CEP63: variants seen among roughly 807,000 people sequenced by gnomAD.
CEP63 encodes centrosomal protein of 63 kDa.
In CEP63, 84 loss-of-function variants were observed where a neutral mutation model predicts 89.1. The observed-to-expected ratio is 0.94, with a 90% CI of 0.79 to 1.13. The LOEUF is 1.13. Among genes scored for constraint, CEP63 ranks in the 50% most tolerant of loss-of-function variants. The pLI is 0.00. For synonymous variants in CEP63, 267 were observed against 272.5 expected (o/e 0.98, Z 0.20); for missense variants, 838 against 813.3 (o/e 1.03, Z -0.37).
intron 3 of CEP63, among the ~76,000 whole-genome samples, chr3:134,529,254 C>G (rs1295669413): frequency 1.3e-5 from 2 of 151,286 alleles, no homozygotes. Context: ...TACATTCATT[C>G]ATTATATTCA....
chr3:134,651,310 G>C, the CEP63 span: 1 of 1,179,142 alleles, frequency 8.5e-7, no homozygotes, highest in South Asian at 1.6e-5. Flanking sequence ...TGAAGCGCTG[G>C]TCCTGGGCTC....
intron 6 of CEP63, among the ~76,000 whole-genome samples, chr3:134,539,307 A>C (rs1229413593): frequency 6.6e-6 from 1 of 152,202 alleles, no homozygotes; most frequent in East Asian, 1.9e-4. Flanking sequence ...AATGTTAACT[A>C]TATGTACACT....
the CEP63 span, among the ~76,000 whole-genome samples, chr3:134,739,314 G>T: frequency 2.0e-5 from 3 of 152,162 alleles, no homozygotes; most frequent in Non-Finnish European, 4.4e-5. Context: ...TGGAGTCATT[G>T]GAACACTTAT....
chr3:134,492,070 CTTTTTTTTT>C (rs74269453), intron 1 of CEP63, among the ~76,000 whole-genome samples: 1 of 103,682 alleles, frequency 9.6e-6, no homozygotes, highest in Non-Finnish European at 1.8e-5. Context: ...TATTTGTATT[CTTTTTTTTT>C]TTTTTTTTTT....
chr3:134,546,758 T>C (rs1326358988), intron 8 of CEP63, among the ~76,000 whole-genome samples: 1 of 152,218 alleles, frequency 6.6e-6, no homozygotes, highest in Non-Finnish European at 1.5e-5. Context: ...TAAAGTGTTA[T>C]AAAATTTTGT....
the CEP63 span, among the ~76,000 whole-genome samples, chr3:134,680,746 G>A: frequency 2.0e-5 from 3 of 152,206 alleles, no homozygotes; most frequent in Non-Finnish European, 4.4e-5. Context: ...TCCTTATCGA[G>A]CTAGTGGCTC....
chr3:134,524,993 T>C (rs1948333434), intron 3 of CEP63, among the ~76,000 whole-genome samples: 1 of 152,220 alleles, frequency 6.6e-6, no homozygotes, highest in African/African-American at 2.4e-5. Flanking sequence ...AGAATTCAGC[T>C]GTGAATCCAT....
At chr3:134,659,219 G>A in the CEP63 span, among the ~76,000 whole-genome samples, 4 of 152,172 alleles carry the variant, frequency 2.6e-5, no homozygotes, top group South Asian at 2.1e-4. Flanking sequence ...ACATGAGAGC[G>A]CATGGAGAGA....
chr3:134,603,797 G>T, the CEP63 span: 1 of 1,613,538 alleles, frequency 6.2e-7, no homozygotes, highest in Non-Finnish European at 8.5e-7. Context: ...CGGTTGGCAG[G>T]AAGCACACCT....
the CEP63 span, among the ~76,000 whole-genome samples, chr3:134,764,855 C>A: frequency 6.6e-6 from 1 of 152,168 alleles, no homozygotes; most frequent in African/African-American, 2.4e-5. Flanking sequence ...GGAGAGTAAA[C>A]CATCCCCAAG....
chr3:134,609,691 C>T, the CEP63 span, among the ~76,000 whole-genome samples: 1 of 152,164 alleles, frequency 6.6e-6, no homozygotes, highest in African/African-American at 2.4e-5. Flanking sequence ...CTCACAGTGA[C>T]CCTGCACCGC....
intron 1 of CEP63, 148 bp downstream of exon 1, chr3:134,486,350 G>A: frequency 3.0e-6 from 3 of 985,634 alleles, no homozygotes; most frequent in Non-Finnish European, 3.6e-6. Flanking sequence ...ATGGCTTGCG[G>A]CCGGTTTGCG....
At chr3:134,687,065 A>G in the CEP63 span, among the ~76,000 whole-genome samples, 1 of 152,144 alleles carries the variant, frequency 6.6e-6, no homozygotes, top group African/African-American at 2.4e-5. Flanking sequence ...AAGGTAGTCA[A>G]CCATGCTGGT....
chr3:134,749,679 T>A, the CEP63 span, among the ~76,000 whole-genome samples: 1 of 57,622 alleles, frequency 1.7e-5, no homozygotes, highest in Admixed American at 2.4e-4. Context: ...TTCCTGTCCA[T>A]AGTCAGAATA....
At chr3:134,644,013 G>C in the CEP63 span, among the ~76,000 whole-genome samples, 1 of 152,100 alleles carries the variant, frequency 6.6e-6, no homozygotes, top group East Asian at 1.9e-4. Flanking sequence ...TTTTAGTAGA[G>C]ACGGGGTTTC....
At chr3:134,752,263 A>G in the CEP63 span, among the ~76,000 whole-genome samples, 1 of 152,168 alleles carries the variant, frequency 6.6e-6, no homozygotes, top group Admixed American at 6.5e-5. Context: ...CATCTCCAGA[A>G]CACTCTGCAT....
intron 9 of CEP63, among the ~76,000 whole-genome samples, chr3:134,548,118 A>G (rs1379048488): frequency 6.6e-6 from 1 of 152,200 alleles, no homozygotes; most frequent in Non-Finnish European, 1.5e-5. Context: ...CTGGTATAAA[A>G]TACGCTGTAA....
At chr3:134,670,919 G>C in the CEP63 span, among the ~76,000 whole-genome samples, 2 of 152,132 alleles carry the variant, frequency 1.3e-5, no homozygotes, top group South Asian at 4.1e-4. Flanking sequence ...CAGTTAGAAG[G>C]ATATTATAGT....
At chr3:134,545,848 G>A (rs990209978) in intron 7 of CEP63, 29 bp downstream of exon 7, 1 of 1,506,352 alleles carries the variant, frequency 6.6e-7, no homozygotes, top group Admixed American at 1.8e-5. Flanking sequence ...ATAATTGGGG[G>A]AAGTGTGTGT....
Sources: allele counts gnomAD v4.1 joint callset (sites outside exome capture counted in the v4.1 genomes callset), GRCh38; gene constraint gnomAD v4.1.1; transcripts MANE v1.5; gene names NCBI Gene and HGNC (gene_info 2026-07-23, HGNC 2026-07-21).